SHROOM3: variants seen among roughly 807,000 people sequenced by gnomAD.
SHROOM3 encodes the protein shroom family member 3.
SHROOM3 carries 47 observed loss-of-function variants against 138.6 expected under a neutral mutation model. The ratio of observed to expected loss-of-function variants is 0.34; its 90% CI spans 0.27 to 0.43. The LOEUF (loss-of-function observed/expected upper bound fraction) is 0.43, where lower values mean the gene tolerates loss of function less well. Among genes scored for constraint, SHROOM3 ranks in the 20% least tolerant of loss-of-function variants. SHROOM3 has a pLI of 1.00. For synonymous variants in SHROOM3, 1,062 were observed against 1,063.3 expected, an observed-to-expected ratio of 1.00 and a Z score of 0.02; for missense variants, 2,491 against 2,596.5, an observed-to-expected ratio of 0.96 and a Z score of 0.88.
At chr4:76,518,512 T>TTTCCTTCC (rs71212428) in intron 1 of SHROOM3, among the ~76,000 whole-genome samples, 6 of 147,408 alleles carry the variant, frequency 4.1e-5, no homozygotes, top group Admixed American at 6.8e-5. Flanking sequence ...TCCTTCCTTC[T>TTTCCTTCC]TTCCTTCCTT....
At chr4:76,686,024 T>C (rs539700504) in intron 2 of SHROOM3, among the ~76,000 whole-genome samples, 2 of 151,948 alleles carry the variant, frequency 1.3e-5, no homozygotes, top group Admixed American at 6.5e-5. Flanking sequence ...ATTTTTTTTT[T>C]AGAGGCAGCG....
At chr4:76,464,359 G>T (rs1180185808) in intron 1 of SHROOM3, among the ~76,000 whole-genome samples, 1 of 152,140 alleles carries the variant, frequency 6.6e-6, no homozygotes, top group Admixed American at 6.5e-5. Context: ...TTTGGAAAGG[G>T]AGCATTTACC....
chr4:76,576,055 G>A (rs148678399), intron 2 of SHROOM3, among the ~76,000 whole-genome samples: 1 of 152,152 alleles, frequency 6.6e-6, no homozygotes, highest in Non-Finnish European at 1.5e-5. Flanking sequence ...TGGTAGGAAT[G>A]CAAATTAGTA....
chr4:76,705,810 G>T (rs1323741424), intron 2 of SHROOM3, among the ~76,000 whole-genome samples: 1 of 152,144 alleles, frequency 6.6e-6, no homozygotes, highest in Non-Finnish European at 1.5e-5. Context: ...TCCAAGAAAT[G>T]TCTTGTTAGT....
chr4:76,617,883 C>T (rs574500094), intron 2 of SHROOM3, among the ~76,000 whole-genome samples: 1 of 152,174 alleles, frequency 6.6e-6, no homozygotes, highest in African/African-American at 2.4e-5. Context: ...CTTGTAAACA[C>T]ATAAGGTGTT....
At chr4:76,596,982 T>A (rs1417618815) in intron 2 of SHROOM3, among the ~76,000 whole-genome samples, 1 of 152,174 alleles carries the variant, frequency 6.6e-6, no homozygotes, top group Admixed American at 6.5e-5. Flanking sequence ...TGCCTATAGC[T>A]GAGGAAGAGC....
chr4:76,675,095 T>TATTC (rs1286605613), intron 2 of SHROOM3, among the ~76,000 whole-genome samples: 1 of 152,228 alleles, frequency 6.6e-6, no homozygotes, highest in Non-Finnish European at 1.5e-5. Context: ...CTGTCAGATT[T>TATTC]ATTCATTCCT....
intron 7 of SHROOM3, 48 bp from the exon 8 acceptor site, chr4:76,756,401 C>T (rs1560616987): frequency 2.0e-6 from 3 of 1,536,776 alleles, no homozygotes; most frequent in Non-Finnish European, 2.6e-6. Context: ...TTATCACTCT[C>T]TCTTTCTCTC....
At chr4:76,566,806 T>A (rs1733734033) in intron 2 of SHROOM3, among the ~76,000 whole-genome samples, 1 of 152,262 alleles carries the variant, frequency 6.6e-6, no homozygotes, top group South Asian at 2.1e-4. Flanking sequence ...TTAAGATGGC[T>A]ACCTCAAATA....
At chr4:76,645,208 G>A (rs1193442771) in intron 2 of SHROOM3, 3 of 152,196 alleles carry the variant, frequency 2.0e-5, no homozygotes, top group Non-Finnish European at 4.4e-5. Flanking sequence ...ATAAAGATAA[G>A]CCCTACCACT....
At chr4:76,651,438 A>G (rs1041689610) in intron 2 of SHROOM3, among the ~76,000 whole-genome samples, 4 of 73,958 alleles carry the variant, frequency 5.4e-5, no homozygotes, top group African/African-American at 2.0e-4. Flanking sequence ...ATATATATAT[A>G]TATATATACC....
intron 1 of SHROOM3, among the ~76,000 whole-genome samples, chr4:76,465,853 T>G (rs898043214): frequency 6.6e-5 from 10 of 152,222 alleles, no homozygotes; most frequent in African/African-American, 9.7e-5. Context: ...CTGAAAATGC[T>G]TTTTGAAAAA....
At chr4:76,651,335 C>T (rs1735952356) in intron 2 of SHROOM3, among the ~76,000 whole-genome samples, 1 of 144,952 alleles carries the variant, frequency 6.9e-6, no homozygotes, top group Admixed American at 7.1e-5. Context: ...GGATGGATAC[C>T]CCATTCTCCA....
At chr4:76,650,140 C>A in intron 2 of SHROOM3, among the ~76,000 whole-genome samples, 1 of 152,252 alleles carries the variant, frequency 6.6e-6, no homozygotes, top group East Asian at 1.9e-4. Flanking sequence ...ACCTTTAAGA[C>A]CTTATCTCCA....
At chr4:76,647,801 T>C (rs2110086589) in intron 2 of SHROOM3, among the ~76,000 whole-genome samples, 1 of 152,000 alleles carries the variant, frequency 6.6e-6, no homozygotes, top group Non-Finnish European at 1.5e-5. Flanking sequence ...AAGGCTGAGG[T>C]GGGAGGATTG....
In SHROOM3 at chr4:76,740,832, C is replaced by T. The variant is rs549997911; in HGVS notation, c.2659C>T (p.Arg887Cys). The T allele has an allele frequency of 1.3e-5, 20 of 1,593,414 alleles. No individual in the cohort carries two copies. The South Asian group carries it at 1.4e-4, about 11-fold the overall frequency. Reference sequence around the variant, plus strand: ...CCAGAGGCCGGACGCTCGGCTCCTCCGTAGCCAGAGCACCTTCCAGCTCTC... The same window carrying T: ...CCAGAGGCCGGACGCTCGGCTCCTCTGTAGCCAGAGCACCTTCCAGCTCTC... ...GPQRPDARLL[R>C]SQSTFQLSSE... Residue 887 changes from arginine (R) to cysteine (C), a missense_variant, in exon 5 of 11, where the codon CGT becomes TGT. Physicochemically the swap from Arg to Cys is radical, Grantham distance 180. Transcript: ENST00000296043. The surrounding 1 kb of genome is among the most constrained non-coding windows in gnomAD (Gnocchi z 4.0).
chr4:76,680,030 C>A (rs919577150), intron 2 of SHROOM3, among the ~76,000 whole-genome samples: 1 of 152,214 alleles, frequency 6.6e-6, no homozygotes, highest in Non-Finnish European at 1.5e-5. Flanking sequence ...TCACATCAAC[C>A]CTGTTGAGAG....
chr4:76,741,730 G>A lies in SHROOM3; in HGVS notation c.3557G>A (p.Gly1186Glu), dbSNP rs774896766. 3.8e-6 allele frequency: 6 copies of A among 1,558,488 alleles called. No homozygotes were observed. Among genetic ancestry groups the A allele is most frequent in the Admixed American group, 1.9e-5 (1 of 51,884 alleles). Reference sequence around the variant, plus strand: ...CGCCGCCTCGGGGAACGGCGACGCGGGGACCTGCTTAGCGGAGCAAACGGT... The same window carrying A: ...CGCCGCCTCGGGGAACGGCGACGCGAGGACCTGCTTAGCGGAGCAAACGGT... The part of the protein sequence containing the change: ...GGRRLGERRR[G>E]DLLSGANGGT... Residue 1186 changes from glycine to glutamate, a missense_variant, in exon 5 of 11, where the codon GGG becomes GAG. Gly to Glu is a moderately conservative substitution (Grantham distance 98). Transcript: ENST00000296043. The surrounding 1 kb of genome is among the most constrained non-coding windows in gnomAD (Gnocchi z 6.2).
At chr4:76,580,446 C>CTTTTTTT (rs869200924) in intron 2 of SHROOM3, among the ~76,000 whole-genome samples, 8 of 88,082 alleles carry the variant, frequency 9.1e-5, no homozygotes, top group African/African-American at 1.2e-4. Flanking sequence ...TGGGCAAGTT[C>CTTTTTTT]TTTTTTTTTT....
Sources: allele counts gnomAD v4.1 joint callset (sites outside exome capture counted in the v4.1 genomes callset), GRCh38; gene constraint gnomAD v4.1.1; non-coding constraint Gnocchi (gnomAD v3.1); transcripts MANE v1.5; gene names NCBI Gene and HGNC (gene_info 2026-07-23, HGNC 2026-07-21).